The following CNGB1 variants were observed in gnomAD, a reference collection of about 807,000 sequenced individuals.
CNGB1 encodes the protein cyclic nucleotide-gated channel beta-1.
A neutral mutation model predicts 151.7 loss-of-function variants in CNGB1; 126 were observed. The ratio of observed to expected loss-of-function variants is 0.83; its 90% confidence interval spans 0.72 to 0.96. The LOEUF (loss-of-function observed/expected upper bound fraction) is 0.96, where lower values mean the gene tolerates loss of function less well. Among genes scored for constraint, CNGB1 ranks in the 40% least tolerant of loss-of-function variants. The pLI is 0.00. For missense variants in CNGB1, 1,698 were observed against 1,627.0 expected, an observed-to-expected ratio of 1.04 and a Z score of -0.75; for synonymous variants, 623 against 635.1, an observed-to-expected ratio of 0.98 and a Z score of 0.29.
chr16:57,960,128 A>C (rs776975621), intron 9 of CNGB1, 63 bp from the exon 10 acceptor site: 39 of 1,531,714 alleles, frequency 2.5e-5, no homozygotes, highest in Non-Finnish European at 3.1e-5. Context: ...CCAACCCCTC[A>C]AGGGCACGGG....
chr16:57,912,612 CGTGTGTGCATTGTGTGTT>C lies in CNGB1; in HGVS notation c.2369+300_2369+317del, dbSNP rs1960751197. On this transcript the variant is annotated intron_variant, in intron 24 of 32. Transcript: ENST00000251102. ...TGTGTGTTGTGTGTGTCATTTGTGT[CGTGTGTGCATTGTGTGTT>C]GTGTGTGCACTGCATGTGTTGTGTG... Among the ~76,000 whole-genome samples, 4 of 144,006 alleles carry C rather than the reference CGTGTGTGCATTGTGTGTT, an allele frequency of 2.8e-5. No individual in the cohort carries two copies. The Admixed American group carries it at 2.8e-4, about 10-fold the overall frequency. 94.5% of individuals were successfully genotyped at this position (144,006 alleles called of 152,430 possible). A position where few individuals can be genotyped will look rare whatever the true frequency, so the allele number is the denominator to read the frequency against.
chr16:57,899,751 C>T (rs1305478259), intron 29 of CNGB1, among the ~76,000 whole-genome samples: 3 of 152,210 alleles, frequency 2.0e-5, no homozygotes, highest in Non-Finnish European at 4.4e-5. Context: ...GCATTTCACA[C>T]ATGCATGACC....
rs1417234347 is a variant in CNGB1 at position 57,912,943 on chromosome 16, C to A, written c.2356G>T (p.Ala786Ser). Residue 786 changes from alanine to serine, a missense_variant, in exon 24 of 33, where the codon GCC becomes TCC. Ala to Ser is a moderately conservative substitution (Grantham distance 99). Coordinates refer to ENST00000251102, the MANE Select transcript of CNGB1 (RefSeq NM_001297.5). ...NSRLESILSK[A>S]YVYRVIRTTA... is the part of the protein sequence containing the mutation. The stretch of plus-strand genomic sequence containing the variant: ...GGGGAGTCTCACCTGTACACGTAGG[C>A]TTTGCTGAGGATGGATTCCAGGCGG... The A allele has an allele frequency of 6.2e-7, 1 of 1,613,888 alleles. No individual in the cohort carries two copies. The highest frequency in any genetic ancestry group is 1.1e-5 in the South Asian group (1 of 91,084).
rs1960385091 is a variant in CNGB1 at position 57,901,448 on chromosome 16, G to C, written c.2893-13C>G. ...GCCGGTCACAGCCCTGTCCCGGTGA[G>C]GAAGGGAAAGGAACTTTTTAGAGAA... On this transcript the variant is annotated splice_polypyrimidine_tract_variant and intron_variant, in intron 28 of 32. Coordinates refer to ENST00000251102, the MANE Select transcript of CNGB1 (RefSeq NM_001297.5). 1 of 1,614,186 alleles carries C rather than the reference G, an allele frequency of 6.2e-7. No individual in the cohort carries two copies. The highest frequency in any genetic ancestry group is 8.5e-7 in the Non-Finnish European group (1 of 1,179,990).
chr16:57,953,753 C>T (rs1008335266), intron 12 of CNGB1, among the ~76,000 whole-genome samples: 1 of 152,156 alleles, frequency 6.6e-6, no homozygotes, highest in African/African-American at 2.4e-5. Flanking sequence ...ACTAACCTCT[C>T]ACTGGATGTT....
chr16:57,940,718 A>G (rs1961646881), intron 14 of CNGB1, among the ~76,000 whole-genome samples: 1 of 152,196 alleles, frequency 6.6e-6, no homozygotes, highest in African/African-American at 2.4e-5. Flanking sequence ...CCCAGTCTCC[A>G]GGCAATCTTG....
intron 31 of CNGB1, among the ~76,000 whole-genome samples, chr16:57,889,894 A>G (rs149546853): frequency 9.3e-4 from 141 of 152,278 alleles, no homozygotes; most frequent in African/African-American, 3.3e-3. Context: ...AAGGGCTGAG[A>G]TTATTGTGCC....
chr16:57,908,582 G>A (rs1432853495), intron 25 of CNGB1, among the ~76,000 whole-genome samples: 2 of 152,268 alleles, frequency 1.3e-5, no homozygotes, highest in Non-Finnish European at 2.9e-5. Context: ...CTTCTTTAGG[G>A]TGGGAGTCCC....
rs1410742659 is a variant in CNGB1, at chr16:57,920,390, G to A, written c.1798C>T (p.Pro600Ser). ...DVTSDEESPK[P>S]SPAKKAPEPA... ...CCCCCTCCAGCTCCAGACTCACAGG[G>A]CTTGGGGCTCTCCTCATCAGAGGTG... The change falls in exon 19 of 33, where the codon CCC becomes TCC. Residue 600 changes from proline (P) to serine (S), a missense_variant. Physicochemically the swap from Pro to Ser is moderately conservative, Grantham distance 74. Transcript: ENST00000251102. 6.2e-7 allele frequency: 1 copy of A among 1,614,142 alleles called. No homozygotes were observed. Among genetic ancestry groups the A allele is most frequent in the Non-Finnish European group, 8.5e-7 (1 of 1,180,044 alleles).
intron 29 of CNGB1, among the ~76,000 whole-genome samples, chr16:57,899,123 C>A (rs533065742): frequency 4.6e-5 from 7 of 152,140 alleles, no homozygotes; most frequent in Non-Finnish European, 8.8e-5. Flanking sequence ...CAGTGTCCCG[C>A]GGCAGCCTGG....
Position 57,964,504 on chromosome 16 carries a change from G to A in CNGB1, c.200C>T (p.Ala67Val), listed in dbSNP as rs1962341117. ...GCACTCACCCTGAGGGCTTGGGTCT[G>A]CCACAGCCACTTCCTCCTCCTTGAA... is the stretch of plus-strand genomic sequence containing the variant. ...ESFKEEEVAV[A>V]DPSPQETKEA... The change falls in exon 3 of 33, where the codon GCA becomes GTA. Residue 67 changes from alanine to valine, a missense_variant. Ala to Val is a moderately conservative substitution (Grantham distance 64, BLOSUM62 0). Coordinates refer to ENST00000251102, the MANE Select transcript of CNGB1 (RefSeq NM_001297.5). The A allele has an allele frequency of 6.2e-7, 1 of 1,614,128 alleles. No individual in the cohort carries two copies. Among genetic ancestry groups the A allele is most frequent in the Non-Finnish European group, 8.5e-7 (1 of 1,180,016 alleles).
At chr16:57,885,067 C>T (rs1403094529) in intron 32 of CNGB1, among the ~76,000 whole-genome samples, 3 of 152,142 alleles carry the variant, frequency 2.0e-5, no homozygotes. Context: ...TGTGCTGCCT[C>T]CCACAAACGA....
chr16:57,939,172 G>C (rs1013581184), intron 16 of CNGB1, among the ~76,000 whole-genome samples: 3 of 152,116 alleles, frequency 2.0e-5, no homozygotes, highest in African/African-American at 7.2e-5. Context: ...GCTGGGATCG[G>C]GATTTCCCCG....
At chr16:57,963,884 G>A (rs1962323765) in intron 4 of CNGB1, 2 of 575,496 alleles carry the variant, frequency 3.5e-6, no homozygotes, top group Non-Finnish European at 6.2e-6. Flanking sequence ...AGGGTGAATG[G>A]AGATGAATGC....
intron 21 of CNGB1, among the ~76,000 whole-genome samples, chr16:57,916,405 G>GA (rs1470473689): frequency 7.2e-5 from 11 of 152,184 alleles, no homozygotes; most frequent in Non-Finnish European, 1.6e-4. Flanking sequence ...TTCTTGGGTG[G>GA]AAAGCAAGGA....
chr16:57,897,172 C>A (rs548805353), intron 31 of CNGB1, among the ~76,000 whole-genome samples: 1 of 151,524 alleles, frequency 6.6e-6, no homozygotes, highest in African/African-American at 2.4e-5. Flanking sequence ...AATGGTGGTA[C>A]GTGCCTATAG....
intron 32 of CNGB1, 87 bp from the exon 33 acceptor site, chr16:57,884,544 T>C (rs1959858486): frequency 3.4e-6 from 5 of 1,485,266 alleles, no homozygotes; most frequent in South Asian, 2.3e-5. Context: ...TCCAGCCTTT[T>C]TGGACCCCCA....
intron 12 of CNGB1, among the ~76,000 whole-genome samples, chr16:57,951,303 G>A (rs1292093984): frequency 2.0e-5 from 3 of 152,144 alleles, no homozygotes; most frequent in Admixed American, 2.0e-4. Flanking sequence ...GGTGTCCCCC[G>A]AAAGCTCCAG....
intron 31 of CNGB1, among the ~76,000 whole-genome samples, chr16:57,892,288 C>T (rs115329243): frequency 0.012 from 1,851 of 152,116 alleles, 36 homozygotes; most frequent in African/African-American, 0.042. Context: ...AGTGAGGAGG[C>T]GAATTTGCAA....
Sources: gnomAD v4.1 joint callset for allele counts (sites outside exome capture counted in the v4.1 genomes callset) on GRCh38, gnomAD v4.1.1 for gene constraint, MANE v1.5 for transcripts, NCBI Gene and HGNC (gene_info 2026-07-23, HGNC 2026-07-21) for gene names.